FARP1: variants seen among roughly 807,000 people sequenced by gnomAD.
FARP1 encodes the protein FERM, ARH/RhoGEF and pleckstrin domain protein 1.
Under a neutral mutation model 128.8 loss-of-function variants are expected in FARP1, and 52 were observed. The observed-to-expected ratio is 0.40, with a 90% CI of 0.32 to 0.51. The LOEUF (loss-of-function observed/expected upper bound fraction) is 0.51, where lower values mean the gene tolerates loss of function less well. Among genes scored for constraint, FARP1 ranks in the 20% least tolerant of loss-of-function variants. FARP1 has a pLI of 0.45. For synonymous variants in FARP1, 580 were observed against 551.8 expected (o/e 1.05, Z -0.72); for missense variants, 1,333 against 1,367.9 (o/e 0.97, Z 0.40).
chr13:98,198,422 A>G (rs1374412020), intron 1 of FARP1, among the ~76,000 whole-genome samples: 1 of 152,226 alleles, frequency 6.6e-6, no homozygotes, highest in Non-Finnish European at 1.5e-5. Flanking sequence ...ATACAAAGAC[A>G]TGAGCTAGCA....
At chr13:98,203,717 C>A (rs1391104723) in intron 1 of FARP1, 1 of 152,206 alleles carries the variant, frequency 6.6e-6, no homozygotes, top group Admixed American at 6.5e-5. Flanking sequence ...TCTGCATGTA[C>A]TTCTGTGCAG....
chr13:98,281,429 G>A (rs1035751332), intron 2 of FARP1, among the ~76,000 whole-genome samples: 2 of 152,020 alleles, frequency 1.3e-5, no homozygotes, highest in Non-Finnish European at 2.9e-5. Flanking sequence ...CTTTTTAGTG[G>A]CTCTTGTATG....
intron 3 of FARP1, among the ~76,000 whole-genome samples, chr13:98,348,257 T>A (rs1255645030): frequency 6.6e-6 from 1 of 152,256 alleles, no homozygotes; most frequent in Non-Finnish European, 1.5e-5. Context: ...CTCTTGCTCT[T>A]GTCCAGCACT....
chr13:98,251,204 C>G (rs1036214274), intron 2 of FARP1, among the ~76,000 whole-genome samples: 4 of 152,136 alleles, frequency 2.6e-5, no homozygotes, highest in African/African-American at 9.7e-5. Context: ...ACCTGGATGC[C>G]CATTTCTCAA....
chr13:98,419,514 ACACT>A (rs1357318912), intron 16 of FARP1, among the ~76,000 whole-genome samples: 1 of 150,934 alleles, frequency 6.6e-6, no homozygotes, highest in Non-Finnish European at 1.5e-5. Flanking sequence ...ACACACACAC[ACACT>A]CTGTTACTCT....
Position 98,337,586 on chromosome 13 carries a change from TG to T in FARP1, c.172-6175del, listed in dbSNP as rs1476572292. Among the ~76,000 whole-genome samples, 6 of 146,918 alleles carry T rather than the reference TG, an allele frequency of 4.1e-5. No homozygotes were observed. In the East Asian group the frequency reaches 5.9e-4, roughly 14 times the overall value. On this transcript the variant is annotated intron_variant, in intron 2 of 26. Transcript: ENST00000319562. ...GTGTGTGTGTGTGTGTGTGTGTGTG[TG>T]TTTTGAAATAAGTTAACCTTTAAGA...
At chr13:98,288,394 A>G (rs1190346699) in intron 2 of FARP1, among the ~76,000 whole-genome samples, 5 of 152,178 alleles carry the variant, frequency 3.3e-5, no homozygotes, top group African/African-American at 1.2e-4. Flanking sequence ...CTCCCGCCCC[A>G]TGTCTGCGCT....
Position 98,431,364 on chromosome 13 carries a change from G to T in FARP1, c.2143+84G>T, listed in dbSNP as rs1892014332. Reference sequence around the variant, plus strand: ...CCAGACTGAGCCCAGCCAGGGAGGGGCTCCCCGGGGAGAGAGGTCAGCTGA... The same window carrying T: ...CCAGACTGAGCCCAGCCAGGGAGGGTCTCCCCGGGGAGAGAGGTCAGCTGA... On this transcript the variant is annotated intron_variant, in intron 18 of 26. Coordinates refer to ENST00000319562, the MANE Select transcript of FARP1 (RefSeq NM_005766.4). The T allele has an allele frequency of 4.4e-6, 4 of 919,464 alleles. No individual in the cohort carries two copies. In the Admixed American group the frequency reaches 1.0e-4, roughly 24 times the overall value. The allele number at this position is 919,464 out of a possible 1,614,324, so 57.0% of individuals were successfully genotyped here. A position where few individuals can be genotyped will look rare whatever the true frequency, so the allele number is the denominator to read the frequency against.
At chr13:98,249,935 CA>C (rs1883243696) in intron 2 of FARP1, among the ~76,000 whole-genome samples, 1 of 152,146 alleles carries the variant, frequency 6.6e-6, no homozygotes, top group Admixed American at 6.5e-5. Context: ...TGGAAATCTT[CA>C]AAATTCATCA....
At chr13:98,393,594 G>T in intron 11 of FARP1, 49 bp from the exon 12 acceptor site, 2 of 1,482,284 alleles carry the variant, frequency 1.3e-6, no homozygotes, top group Non-Finnish European at 1.9e-6. Context: ...CAAGGAAAAA[G>T]AAACAAAAAC....
At chr13:98,234,524 AT>A in intron 2 of FARP1, 1 of 152,326 alleles carries the variant, frequency 6.6e-6, no homozygotes, top group East Asian at 1.9e-4. Flanking sequence ...CCTGGAAAAA[AT>A]TTCCACCTCC....
chr13:98,435,698 C>T lies in FARP1; in HGVS notation c.2266C>T (p.Pro756Ser). The change falls in exon 19 of 27, where the codon CCG becomes TCG. Residue 756 changes from proline (P) to serine (S), a missense_variant. Physicochemically the swap from Pro to Ser is moderately conservative, Grantham distance 74. This residue lies in a region of FARP1 where 1,009 missense variants were observed against 969.8 expected (regional missense o/e 1.04). Coordinates refer to ENST00000319562, the MANE Select transcript of FARP1 (RefSeq NM_005766.4). Reference protein sequence around the residue: ...DLIGIDNLVVPGREFIRLGSL... With the variant: ...DLIGIDNLVVSGREFIRLGSL... ...GATTGGCATTGACAATCTTGTGGTT[C>T]CGGGAAGGGTAAGCAGCAGTGGCCT... 1 of 1,614,092 alleles carries T rather than the reference C, an allele frequency of 6.2e-7. No individual in the cohort carries two copies. The highest frequency in any genetic ancestry group is 8.5e-7 in the Non-Finnish European group (1 of 1,179,988).
At chr13:98,349,701 A>C (rs1888331387) in intron 3 of FARP1, among the ~76,000 whole-genome samples, 1 of 148,678 alleles carries the variant, frequency 6.7e-6, no homozygotes, top group African/African-American at 2.5e-5. Flanking sequence ...AAAAAAAAAA[A>C]AGACAATGCT....
intron 2 of FARP1, among the ~76,000 whole-genome samples, chr13:98,270,229 A>ATG (rs1170524320): frequency 6.6e-6 from 1 of 152,206 alleles, no homozygotes; most frequent in Non-Finnish European, 1.5e-5. Context: ...ATAGAAGAAC[A>ATG]TGTGTTAAGC....
intron 17 of FARP1, 65 bp from the exon 18 acceptor site, chr13:98,430,978 C>A: frequency 9.9e-7 from 1 of 1,007,826 alleles, no homozygotes; most frequent in Non-Finnish European, 1.5e-6. Context: ...CCAAGTGAAA[C>A]TGGGCAGAAC....
At chr13:98,206,308 G>A (rs1880263496) in intron 1 of FARP1, among the ~76,000 whole-genome samples, 1 of 151,900 alleles carries the variant, frequency 6.6e-6, no homozygotes, top group Non-Finnish European at 1.5e-5. Flanking sequence ...TTTTCATCTT[G>A]CCTCAGCGAC....
chr13:98,241,071 T>C (rs1303008013), intron 2 of FARP1, among the ~76,000 whole-genome samples: 1 of 152,196 alleles, frequency 6.6e-6, no homozygotes, highest in African/African-American at 2.4e-5. Context: ...GAAGAGAGTG[T>C]AGACAGTGGG....
intron 6 of FARP1, among the ~76,000 whole-genome samples, chr13:98,379,594 A>C (rs1260251681): frequency 1.3e-5 from 2 of 152,106 alleles, no homozygotes; most frequent in African/African-American, 4.8e-5. Flanking sequence ...TCCATGGGGT[A>C]TTGGCTGCAG....
chr13:98,298,924 T>A (rs988767616), intron 2 of FARP1, among the ~76,000 whole-genome samples: 1 of 152,158 alleles, frequency 6.6e-6, no homozygotes, highest in Non-Finnish European at 1.5e-5. Flanking sequence ...TATGAGGATT[T>A]TCAGACCTGT....
Sources: allele counts gnomAD v4.1 joint callset (sites outside exome capture counted in the v4.1 genomes callset), GRCh38; gene constraint gnomAD v4.1.1; regional missense constraint gnomAD v4.1.1; transcripts MANE v1.5; gene names NCBI Gene and HGNC (gene_info 2026-07-23, HGNC 2026-07-21).